CFAP47: variants seen among roughly 807,000 people sequenced by gnomAD.
CFAP47 encodes cilia and flagella associated protein 47, also known as cilia- and flagella-associated protein 47.
CFAP47 carries 29 observed loss-of-function variants against 148.1 expected under a neutral mutation model. The observed-to-expected ratio is 0.20, with a 90% confidence interval of 0.15 to 0.27. The LOEUF (loss-of-function observed/expected upper bound fraction) is 0.27, where lower values mean the gene tolerates loss of function less well. CFAP47 is among the 10% of genes least tolerant of loss of function. The probability of loss-of-function intolerance (pLI) is 1.00; values close to 1 mark genes in which losing one functional copy is unlikely to be tolerated. For missense variants in CFAP47, 1,872 were observed against 1,697.5 expected, an observed-to-expected ratio of 1.10 and a Z score of -1.81; for synonymous variants, 664 against 577.3, an observed-to-expected ratio of 1.15 and a Z score of -2.15.
intron 16 of CFAP47, among the ~76,000 whole-genome samples, chrX:35,990,951 A>T (rs889692058): frequency 6.3e-5 from 7 of 111,521 alleles, no homozygotes; most frequent in Admixed American, 1.9e-4. Context: ...TTCTTTCCCC[A>T]TGAGGAGAAT....
At position 35,956,131 on chromosome X, in the gene CFAP47, T is replaced by G. The variant is rs1229072001; in HGVS notation, c.1345T>G (p.Phe449Val). The G allele has an allele frequency of 8.3e-7, 1 of 1,211,485 alleles. No homozygotes were observed. The highest frequency in any genetic ancestry group is 1.8e-5 in the South Asian group (1 of 56,980). The change falls in exon 8 of 64, where the codon TTT becomes GTT. Residue 449 changes from phenylalanine (F) to valine (V), a missense_variant. Physicochemically the swap from Phe to Val is conservative, Grantham distance 50. Transcript: ENST00000378653. Reference protein sequence around the residue: ...QCELLPVTYHFKKTANFEIDP... With the variant: ...QCELLPVTYHVKKTANFEIDP... ...CGAATTACTTCCTGTGACGTACCAC[T>G]TTAAAAAAACTGCAAATTTTGAAAT...
chrX:36,019,564 C>T (rs1399088317), intron 22 of CFAP47, among the ~76,000 whole-genome samples: 1 of 111,862 alleles, frequency 8.9e-6, no homozygotes, highest in East Asian at 2.8e-4. Context: ...GCTATGCAAA[C>T]TCTCAGGCCT....
At chrX:36,017,805 G>A (rs1426821990) in intron 22 of CFAP47, among the ~76,000 whole-genome samples, 3 of 111,311 alleles carry the variant, frequency 2.7e-5, no homozygotes, top group South Asian at 7.5e-4. Context: ...ATAAAGTCAG[G>A]TAATGTTATT....
chrX:36,010,952 T>A (rs1240897550), intron 21 of CFAP47, among the ~76,000 whole-genome samples: 1 of 111,801 alleles, frequency 8.9e-6, no homozygotes, highest in East Asian at 2.8e-4. Context: ...TTTGTTTTGT[T>A]GGTTATTGAA....
chrX:36,090,196 C>T (rs1459110154), intron 30 of CFAP47, among the ~76,000 whole-genome samples: 3 of 111,839 alleles, frequency 2.7e-5, no homozygotes, highest in African/African-American at 9.7e-5. Flanking sequence ...TTTAATTTTA[C>T]CACTTCCTAC....
intron 8 of CFAP47, among the ~76,000 whole-genome samples, chrX:35,957,207 CAAAAAAAAAAA>C (rs371147219): frequency 0.051 from 1,712 of 33,679 alleles, 51 homozygotes; most frequent in African/African-American, 0.13. Context: ...GACTCCATCT[CAAAAAAAAAAA>C]AAAAAAAAAA....
At chrX:35,971,052 A>G (rs1936483197) in intron 11 of CFAP47, 129 bp downstream of exon 11, 2 of 479,799 alleles carry the variant, frequency 4.2e-6, no homozygotes, top group African/African-American at 5.0e-5. Flanking sequence ...GATAAAAGCA[A>G]AACACTGAGC....
chrX:36,327,076 C>T, intron 57 of CFAP47, among the ~76,000 whole-genome samples: 1 of 101,848 alleles, frequency 9.8e-6, no homozygotes, highest in Admixed American at 1.1e-4. Context: ...TCACCAGAAT[C>T]CATTGCAAAA....
At chrX:36,202,683 G>A (rs1186877675) in intron 44 of CFAP47, among the ~76,000 whole-genome samples, 1 of 110,770 alleles carries the variant, frequency 9.0e-6, no homozygotes, top group Non-Finnish European at 1.9e-5. Flanking sequence ...TTCAAGACCA[G>A]CCTGACCAAT....
chrX:36,168,987 T>A (rs774522039), intron 39 of CFAP47, among the ~76,000 whole-genome samples: 22 of 111,876 alleles, frequency 2.0e-4, no homozygotes, highest in Non-Finnish European at 3.8e-4. Context: ...GAAGGACAGT[T>A]TTTTTGTTTT....
At chrX:36,333,416 G>A (rs1208129139) in intron 57 of CFAP47, among the ~76,000 whole-genome samples, 2 of 110,597 alleles carry the variant, frequency 1.8e-5, no homozygotes, top group Non-Finnish European at 3.8e-5. Context: ...CTAAGTTGTG[G>A]CTTTTTCCCA....
intron 49 of CFAP47, among the ~76,000 whole-genome samples, chrX:36,264,569 T>G (rs1602078425): frequency 8.9e-6 from 1 of 111,826 alleles, no homozygotes; most frequent in East Asian, 2.8e-4. Context: ...ACAATTGCTA[T>G]GCTTCTCCTC....
chrX:36,307,954 TA>T (rs1184438457), intron 55 of CFAP47, among the ~76,000 whole-genome samples: 1 of 111,588 alleles, frequency 9.0e-6, no homozygotes, highest in Non-Finnish European at 1.9e-5. Flanking sequence ...AGGAAATATA[TA>T]ATGGAGATTA....
intron 2 of CFAP47, among the ~76,000 whole-genome samples, chrX:35,941,022 C>T (rs769362577): frequency 1.7e-4 from 19 of 111,734 alleles, no homozygotes; most frequent in Non-Finnish European, 3.0e-4. Flanking sequence ...TGGAGACATT[C>T]AAACTATTTA....
At chrX:36,143,094 G>C (rs1024972480) in intron 35 of CFAP47, among the ~76,000 whole-genome samples, 2 of 112,030 alleles carry the variant, frequency 1.8e-5, no homozygotes, top group African/African-American at 6.5e-5. Context: ...AAGAATGTGA[G>C]ACCACAAAAT....
intron 48 of CFAP47, among the ~76,000 whole-genome samples, chrX:36,244,617 A>C (rs1940592386): frequency 8.9e-6 from 1 of 111,797 alleles, no homozygotes; most frequent in Non-Finnish European, 1.9e-5. Context: ...TATGCAGACA[A>C]ATTTAAAAAT....
At chrX:36,093,869 T>G (rs777940005) in intron 30 of CFAP47, among the ~76,000 whole-genome samples, 17 of 111,109 alleles carry the variant, frequency 1.5e-4, no homozygotes, top group African/African-American at 4.2e-4. Context: ...ATTGTTTCCT[T>G]TGCTGTGCAG....
rs1188987905 is a variant in CFAP47 at position 35,960,380 on chromosome X, G to GAAAAAAAAAAAAAAAAAA, written c.1410+4194_1410+4211dup. On this transcript the variant is annotated intron_variant, in intron 8 of 63. Transcript: ENST00000378653. ...CTTTAACATTAGCTTGCTAATTTCT[G>GAAAAAAAAAAAAAAAAAA]AAAAAAAAAAAAAAAAAAAAAAAAA... Among the ~76,000 whole-genome samples, 14 of 15,480 alleles carry GAAAAAAAAAAAAAAAAAA rather than the reference G, an allele frequency of 9.0e-4. 3 individuals carry two copies. The highest frequency in any genetic ancestry group is 3.4e-3 in the African/African-American group (13 of 3,812). 13.4% of individuals were successfully genotyped at this position (15,480 alleles called of 115,157 possible).
Position 36,348,208 on chromosome X carries a change from G to T in CFAP47, c.8523G>T (p.Met2841Ile). ...AAATTATGAAATTACACAAAACAATGGTTATTATTGAGATGACGAAAGCAA... is the reference window on the plus strand; with the variant it reads ...AAATTATGAAATTACACAAAACAATTGTTATTATTGAGATGACGAAAGCAA... ...IPQIMKLHKT[M>I]VIIEMTKANG... Residue 2841 changes from methionine to isoleucine, a missense_variant, in exon 58 of 64, where the codon ATG becomes ATT. Coordinates refer to ENST00000378653, the MANE Select transcript of CFAP47 (RefSeq NM_001304548.2). 9.5e-7 allele frequency: 1 copy of T among 1,052,660 alleles called. No individual in the cohort carries two copies. Among genetic ancestry groups the T allele is most frequent in the Non-Finnish European group, 1.2e-6 (1 of 809,442 alleles). 86.8% of individuals were successfully genotyped at this position (1,052,660 alleles called of 1,213,427 possible). A position where few individuals can be genotyped will look rare whatever the true frequency, so the allele number is the denominator to read the frequency against.
Sources: gnomAD v4.1 joint callset for allele counts (sites outside exome capture counted in the v4.1 genomes callset) on GRCh38, gnomAD v4.1.1 for gene constraint, MANE v1.5 for transcripts, NCBI Gene and HGNC (gene_info 2026-07-23, HGNC 2026-07-21) for gene names.